Variants in GALNT13 observed in about 807,000 individuals in gnomAD.
GALNT13 encodes the protein UDP-GalNAc:polypeptide N-acetylgalactosaminyltransferase 13.
GALNT13 carries 28 observed loss-of-function variants against 64.2 expected under a neutral mutation model. The ratio of observed to expected loss-of-function variants is 0.44; its 90% CI spans 0.32 to 0.60. GALNT13 has a LOEUF of 0.60. Among genes scored for constraint, GALNT13 ranks in the 20% least tolerant of loss-of-function variants. The pLI is 0.05. For missense variants in GALNT13, 577 were observed against 669.8 expected (o/e 0.86, Z 1.53); for synonymous variants, 214 against 224.6 (o/e 0.95, Z 0.42).
At chr2:154,174,653 CT>C (rs1301810126) in intron 4 of GALNT13, among the ~76,000 whole-genome samples, 2 of 152,054 alleles carry the variant, frequency 1.3e-5, no homozygotes, top group Non-Finnish European at 2.9e-5. Flanking sequence ...AAGATATAAC[CT>C]TTATTTCCTT....
At chr2:153,385,258 A>G in the GALNT13 span, among the ~76,000 whole-genome samples, 1 of 152,104 alleles carries the variant, frequency 6.6e-6, no homozygotes, top group Non-Finnish European at 1.5e-5. Context: ...AGCACTGTTA[A>G]CAATAACTAA....
At chr2:153,464,444 A>T in the GALNT13 span, among the ~76,000 whole-genome samples, 1 of 151,170 alleles carries the variant, frequency 6.6e-6, no homozygotes, top group South Asian at 2.1e-4. Context: ...TGCAAAGCAT[A>T]TGCTACTTTG....
the GALNT13 span, among the ~76,000 whole-genome samples, chr2:153,218,030 T>G: frequency 6.6e-6 from 1 of 152,158 alleles, no homozygotes; most frequent in Admixed American, 6.5e-5. Flanking sequence ...TTTGGATTTG[T>G]TATTGATGGA....
At chr2:153,577,236 T>C in the GALNT13 span, among the ~76,000 whole-genome samples, 39,313 of 152,040 alleles carry the variant, frequency 0.26, 5,426 homozygotes, top group Non-Finnish European at 0.31. Flanking sequence ...TATTGATATA[T>C]AAACTTTTCT....
the GALNT13 span, among the ~76,000 whole-genome samples, chr2:153,414,315 C>T: frequency 6.6e-6 from 1 of 151,230 alleles, no homozygotes; most frequent in Non-Finnish European, 1.5e-5. Context: ...GTGGAGGTTG[C>T]GGTGAGCCAA....
chr2:154,271,712 TAC>T (rs1691365176), intron 8 of GALNT13, among the ~76,000 whole-genome samples: 6 of 151,962 alleles, frequency 3.9e-5, no homozygotes, highest in African/African-American at 1.4e-4. Flanking sequence ...CAATCATGAA[TAC>T]TATCTGTTTA....
At chr2:153,384,027 G>C in the GALNT13 span, among the ~76,000 whole-genome samples, 1 of 152,026 alleles carries the variant, frequency 6.6e-6, no homozygotes, top group South Asian at 2.1e-4. Context: ...AAAGAAGTTG[G>C]TTATGAAAGA....
chr2:153,163,169 A>G, the GALNT13 span, among the ~76,000 whole-genome samples: 1 of 152,166 alleles, frequency 6.6e-6, no homozygotes, highest in Non-Finnish European at 1.5e-5. Context: ...ATTTCTGGGA[A>G]GTTTGTCTTC....
the GALNT13 span, among the ~76,000 whole-genome samples, chr2:153,107,599 C>A: frequency 6.6e-6 from 1 of 151,982 alleles, no homozygotes; most frequent in Non-Finnish European, 1.5e-5. Context: ...ATTATTTTTC[C>A]TGGAGAGGAG....
intron 3 of GALNT13, among the ~76,000 whole-genome samples, chr2:154,079,884 T>C (rs374135872): frequency 1.9e-4 from 29 of 151,756 alleles, no homozygotes; most frequent in African/African-American, 6.5e-4. Flanking sequence ...TGCCCCTCCA[T>C]TGGAGAAGGA....
chr2:153,113,487 A>T, the GALNT13 span, among the ~76,000 whole-genome samples: 1 of 152,046 alleles, frequency 6.6e-6, no homozygotes, highest in South Asian at 2.1e-4. Context: ...CAGGTTTCTC[A>T]CAACCTGGAG....
chr2:153,819,269 C>T, the GALNT13 span, among the ~76,000 whole-genome samples: 2 of 152,112 alleles, frequency 1.3e-5, no homozygotes, highest in African/African-American at 2.4e-5. Flanking sequence ...GCCCTAAAAC[C>T]ACACCCACAG....
At chr2:153,585,116 G>T in the GALNT13 span, among the ~76,000 whole-genome samples, 2 of 152,110 alleles carry the variant, frequency 1.3e-5, no homozygotes, top group Non-Finnish European at 2.9e-5. Context: ...TCAAAATATT[G>T]ATTTTTAAAG....
chr2:153,073,993 C>A, the GALNT13 span, among the ~76,000 whole-genome samples: 3 of 152,122 alleles, frequency 2.0e-5, no homozygotes, highest in Non-Finnish European at 4.4e-5. Flanking sequence ...TATATTCTTG[C>A]AAACTGATGG....
the GALNT13 span, among the ~76,000 whole-genome samples, chr2:153,479,577 C>G: frequency 2.0e-5 from 3 of 152,104 alleles, no homozygotes; most frequent in African/African-American, 7.2e-5. Flanking sequence ...ACAGAGTGAC[C>G]ACTTGCTTGT....
the GALNT13 span, among the ~76,000 whole-genome samples, chr2:153,825,743 G>A: frequency 6.6e-6 from 1 of 151,758 alleles, no homozygotes; most frequent in East Asian, 1.9e-4. Flanking sequence ...ACCCTTTGCA[G>A]GAACAGCCTA....
At chr2:153,571,475 C>T in the GALNT13 span, among the ~76,000 whole-genome samples, 1 of 151,890 alleles carries the variant, frequency 6.6e-6, no homozygotes, top group African/African-American at 2.4e-5. Flanking sequence ...CTAAAACTTC[C>T]AGGACTATGT....
At chr2:153,409,374 G>GTATATATTCATA in the GALNT13 span, among the ~76,000 whole-genome samples, 41 of 121,026 alleles carry the variant, frequency 3.4e-4, no homozygotes, top group South Asian at 2.0e-3. Context: ...ATTCATATGT[G>GTATATATTCATA]TGTATATATA....
At chr2:154,287,550 A>G (rs763057449) in intron 8 of GALNT13, 17 of 238,174 alleles carry the variant, frequency 7.1e-5, no homozygotes, top group Middle Eastern at 1.5e-3. Context: ...TAGTTCATCA[A>G]TCCTTCTTCT....
Sources: allele counts gnomAD v4.1 joint callset (sites outside exome capture counted in the v4.1 genomes callset), GRCh38; gene constraint gnomAD v4.1.1; transcripts MANE v1.5; gene names NCBI Gene and HGNC (gene_info 2026-07-23, HGNC 2026-07-21).